The following OSBPL1A variants were observed in gnomAD, a reference collection of about 807,000 sequenced individuals.
OSBPL1A encodes the protein oxysterol binding protein like 1A, also known as oxysterol-binding protein-related protein 1.
Under a neutral mutation model 137.1 loss-of-function variants are expected in OSBPL1A, and 80 were observed. That is an observed-to-expected ratio of 0.58 (90% CI 0.49 to 0.70). The LOEUF is 0.70. Among genes scored for constraint, OSBPL1A ranks in the 30% least tolerant of loss-of-function variants. OSBPL1A has a pLI of 0.00. For synonymous variants in OSBPL1A, 365 were observed against 389.7 expected, an observed-to-expected ratio of 0.94 and a Z score of 0.75; for missense variants, 970 against 1,129.4, an observed-to-expected ratio of 0.86 and a Z score of 2.02.
chr18:24,263,613 T>C (rs1005030761), intron 15 of OSBPL1A, among the ~76,000 whole-genome samples: 1 of 152,094 alleles, frequency 6.6e-6, no homozygotes, highest in Non-Finnish European at 1.5e-5. Context: ...CACAAAACCA[T>C]AGCATAAGGT....
intron 4 of OSBPL1A, among the ~76,000 whole-genome samples, chr18:24,359,026 G>A (rs2091580861): frequency 6.6e-6 from 1 of 152,134 alleles, no homozygotes; most frequent in South Asian, 2.1e-4. Context: ...AGACCAGCCT[G>A]GGCAACATGG....
intron 14 of OSBPL1A, among the ~76,000 whole-genome samples, chr18:24,294,024 T>G (rs756057195): frequency 2.0e-5 from 3 of 152,186 alleles, no homozygotes; most frequent in Non-Finnish European, 4.4e-5. Context: ...TTAAGTAGGC[T>G]AAATAGAAGT....
At chr18:24,249,438 C>T (rs574289112) in intron 15 of OSBPL1A, among the ~76,000 whole-genome samples, 24 of 152,304 alleles carry the variant, frequency 1.6e-4, no homozygotes, top group African/African-American at 4.8e-4. Context: ...CACAGAAAAG[C>T]ACCATCACAA....
intron 4 of OSBPL1A, among the ~76,000 whole-genome samples, chr18:24,352,744 T>C (rs201652189): frequency 2.0e-5 from 3 of 150,534 alleles, no homozygotes; most frequent in African/African-American, 2.4e-5. Flanking sequence ...CAGAACAGAG[T>C]CCTCAGAAAT....
At chr18:24,244,593 CTG>C (rs1198886687) in intron 15 of OSBPL1A, among the ~76,000 whole-genome samples, 1 of 152,240 alleles carries the variant, frequency 6.6e-6, no homozygotes. Context: ...ACGCATTGAT[CTG>C]TGTCTGTAGC....
chr18:24,356,565 C>T (rs2091538963), intron 4 of OSBPL1A, among the ~76,000 whole-genome samples: 1 of 152,130 alleles, frequency 6.6e-6, no homozygotes, highest in African/African-American at 2.4e-5. Context: ...TCCAGAAATA[C>T]ACCTAGTGGT....
intron 24 of OSBPL1A, among the ~76,000 whole-genome samples, chr18:24,169,636 C>G (rs1356841121): frequency 1.3e-5 from 2 of 152,114 alleles, no homozygotes; most frequent in African/African-American, 4.8e-5. Flanking sequence ...AGATTCTAAC[C>G]CAGAGTTTGT....
Position 24,167,310 on chromosome 18 carries a change from C to T in OSBPL1A, c.2535+19G>A. ...CTAAACACAGACAGTGAGGCCACAGCCAGCAAGCCCAGTCTCACCTGGGCA... is the reference window on the plus strand; with the variant it reads ...CTAAACACAGACAGTGAGGCCACAGTCAGCAAGCCCAGTCTCACCTGGGCA... On this transcript the variant is annotated intron_variant, in intron 25 of 27. Coordinates refer to ENST00000319481, the MANE Select transcript of OSBPL1A (RefSeq NM_080597.4). The T allele has an allele frequency of 6.2e-7, 1 of 1,601,982 alleles. No individual in the cohort carries two copies. The highest frequency in any genetic ancestry group is 8.6e-7 in the Non-Finnish European group (1 of 1,168,962).
Position 24,317,360 on chromosome 18 carries a change from A to T in OSBPL1A, c.773T>A (p.Leu258Ter). 1 of 1,613,882 alleles carries T rather than the reference A, an allele frequency of 6.2e-7. No homozygotes were observed. Among genetic ancestry groups the T allele is most frequent in the Non-Finnish European group, 8.5e-7 (1 of 1,179,854 alleles). ...ATACCATGAAAGGACTCCATGCTCT[A>T]ACACTACCCAGAATAATCTCCAGCC... ...FFGWRLFWVV[L>*]EHGVLSWYRK... Residue 258 changes from leucine to a stop codon, truncating the protein, a stop_gained, in exon 10 of 28, where the codon TTA becomes TAA. Coordinates refer to ENST00000319481, the MANE Select transcript of OSBPL1A (RefSeq NM_080597.4). LOFTEE classifies it high-confidence loss of function.
At chr18:24,324,977 G>A (rs567894165) in intron 7 of OSBPL1A, among the ~76,000 whole-genome samples, 24 of 151,144 alleles carry the variant, frequency 1.6e-4, no homozygotes, top group Non-Finnish European at 3.0e-4. Flanking sequence ...TCCCAGCCAC[G>A]CGGGAGGCTG....
At chr18:24,329,214 C>A (rs370267888) in intron 7 of OSBPL1A, among the ~76,000 whole-genome samples, 5 of 152,184 alleles carry the variant, frequency 3.3e-5, no homozygotes, top group Admixed American at 3.3e-4. Context: ...CCACTGCACT[C>A]CAGCCTGAGC....
chr18:24,345,622 G>T (rs1488290332), intron 4 of OSBPL1A, among the ~76,000 whole-genome samples: 2 of 152,126 alleles, frequency 1.3e-5, no homozygotes, highest in Non-Finnish European at 2.9e-5. Context: ...GGAGGCGGAG[G>T]TTGCAATGAG....
In OSBPL1A at chr18:24,332,385, CAAAAAAAAAAAAAAAAAA is replaced by C. The variant is rs71163675; in HGVS notation, c.625+539_625+556del. Among the ~76,000 whole-genome samples the C allele has an allele frequency of 1.3e-4, 7 of 53,060 alleles. 1 individual carries two copies. In the South Asian group the frequency reaches 5.6e-3, roughly 42 times the overall value. 34.8% of individuals were successfully genotyped at this position (53,060 alleles called of 152,430 possible). On this transcript the variant is annotated intron_variant, in intron 7 of 27. Coordinates refer to ENST00000319481, the MANE Select transcript of OSBPL1A (RefSeq NM_080597.4). ...TGGGCAACAGAGAGAGACTCTGTCTCAAAAAAAAAAAAAAAAAAAAAAAAAAAAAAGGCCCCTAGCATT... is the reference window on the plus strand; with the variant it reads ...TGGGCAACAGAGAGAGACTCTGTCTCAAAAAAAAAAAAGGCCCCTAGCATT...
At position 24,327,259 on chromosome 18, in the gene OSBPL1A, C is replaced by T. The variant is rs140333971; in HGVS notation, c.625+5683G>A. Among the ~76,000 whole-genome samples the T allele has an allele frequency of 6.8e-3, 1,028 of 152,046 alleles. 18 individuals are homozygous for T. Among genetic ancestry groups the T allele is most frequent in the African/African-American group, 0.023 (969 of 41,464 alleles). On this transcript the variant is annotated intron_variant, in intron 7 of 27. Transcript: ENST00000319481. ...AGTAACTGGGATTACAGGCGTGCTC[C>T]ACCATGCCCGGCTAATTTTGTATTT... is the stretch of plus-strand genomic sequence containing the variant.
At chr18:24,251,807 A>G (rs938062126) in intron 15 of OSBPL1A, among the ~76,000 whole-genome samples, 14 of 152,192 alleles carry the variant, frequency 9.2e-5, no homozygotes, top group African/African-American at 3.4e-4. Context: ...TTTTGAGGAA[A>G]CTCAAAAAAT....
chr18:24,175,846 A>C (rs2086431499), intron 21 of OSBPL1A, among the ~76,000 whole-genome samples: 1 of 152,212 alleles, frequency 6.6e-6, no homozygotes, highest in African/African-American at 2.4e-5. Flanking sequence ...ATTTTTTAAC[A>C]TATAGATGTC....
At chr18:24,369,783 C>T (rs1239165435) in intron 2 of OSBPL1A, among the ~76,000 whole-genome samples, 1 of 152,244 alleles carries the variant, frequency 6.6e-6, no homozygotes, top group Non-Finnish European at 1.5e-5. Flanking sequence ...GAGCCTCAGT[C>T]TCTTTCACTG....
At chr18:24,361,234 C>T (rs889352323) in intron 4 of OSBPL1A, among the ~76,000 whole-genome samples, 46 of 152,112 alleles carry the variant, frequency 3.0e-4, no homozygotes, top group African/African-American at 1.0e-3. Flanking sequence ...CCTATGTTGC[C>T]CAAGCTGGTC....
At chr18:24,214,924 T>C (rs1225469939) in intron 17 of OSBPL1A, among the ~76,000 whole-genome samples, 2 of 152,202 alleles carry the variant, frequency 1.3e-5, no homozygotes, top group Non-Finnish European at 2.9e-5. Context: ...AGAATAAATA[T>C]AACAATTTGT....
Sources: gnomAD v4.1 joint callset for allele counts (sites outside exome capture counted in the v4.1 genomes callset) on GRCh38, gnomAD v4.1.1 for gene constraint, MANE v1.5 for transcripts, NCBI Gene and HGNC (gene_info 2026-07-23, HGNC 2026-07-21) for gene names.